DCHS2: variants seen among roughly 807,000 people sequenced by gnomAD.
The protein encoded by DCHS2 is protocadherin-23.
In DCHS2, 142 loss-of-function variants were observed where a neutral mutation model predicts 182.4. The ratio of observed to expected loss-of-function variants is 0.78; its 90% confidence interval spans 0.68 to 0.89. The LOEUF (loss-of-function observed/expected upper bound fraction) is 0.89. DCHS2 is among the 40% of genes least tolerant of loss of function. DCHS2 has a pLI of 0.00. For synonymous variants in DCHS2, 1,740 were observed against 1,663.3 expected (o/e 1.05, Z -1.12); for missense variants, 4,319 against 4,198.6 (o/e 1.03, Z -0.79).
chr4:154,341,119 A>G (rs910650024), intron 3 of DCHS2, among the ~76,000 whole-genome samples: 1 of 152,204 alleles, frequency 6.6e-6, no homozygotes, highest in African/African-American at 2.4e-5. Flanking sequence ...TTGTAATCCC[A>G]GCACTCTGGG....
At chr4:154,306,705 C>T (rs914069943) in intron 10 of DCHS2, among the ~76,000 whole-genome samples, 11 of 152,018 alleles carry the variant, frequency 7.2e-5, no homozygotes, top group Admixed American at 5.2e-4. Flanking sequence ...TACACCATTT[C>T]ATATTATTTT....
chr4:154,383,211 T>C (rs1447339969), intron 1 of DCHS2, among the ~76,000 whole-genome samples: 1 of 152,166 alleles, frequency 6.6e-6, no homozygotes, highest in Non-Finnish European at 1.5e-5. Flanking sequence ...CTGGCTGCCA[T>C]TATCTTAAGG....
At chr4:154,289,418 T>C (rs1410275733) in intron 13 of DCHS2, among the ~76,000 whole-genome samples, 1 of 151,906 alleles carries the variant, frequency 6.6e-6, no homozygotes, top group Non-Finnish European at 1.5e-5. Context: ...AGACCAATAA[T>C]ATGTAATGAG....
intron 1 of DCHS2, among the ~76,000 whole-genome samples, chr4:154,485,937 G>C: frequency 6.6e-6 from 1 of 152,186 alleles, no homozygotes; most frequent in East Asian, 1.9e-4. Flanking sequence ...TTATCTGAGC[G>C]AAAATGGAAT....
At chr4:154,268,306 C>T (rs1456762715) in intron 14 of DCHS2, among the ~76,000 whole-genome samples, 8 of 151,344 alleles carry the variant, frequency 5.3e-5, no homozygotes, top group Non-Finnish European at 1.0e-4. Flanking sequence ...ATACTACACT[C>T]GTGCTTTGGG....
chr4:154,425,724 C>A (rs1733297451), intron 1 of DCHS2, among the ~76,000 whole-genome samples: 1 of 152,236 alleles, frequency 6.6e-6, no homozygotes, highest in Admixed American at 6.5e-5. Flanking sequence ...CTTAAATGAA[C>A]CATAACCAAT....
At chr4:154,424,729 A>G (rs1477992969) in intron 1 of DCHS2, among the ~76,000 whole-genome samples, 1 of 152,228 alleles carries the variant, frequency 6.6e-6, no homozygotes. Context: ...TAAGTGTTCA[A>G]GTAAGCCTTT....
rs772901043 is a variant in DCHS2, at chr4:154,333,190, T to C, written c.3018A>G (p.Arg1006=). Residue 1006 remains arginine, a synonymous_variant, in exon 5 of 20, where the codon AGA becomes AGG. Transcript: ENST00000357232. ...GGATGAGTCCGTTCCGCCCACTGTC[T>C]CTGTCTTCCGCACGTGCGAGGTACA... ...TALYLARAED[R]DSGRNGLIRY... The C allele has an allele frequency of 3.7e-6, 6 of 1,614,178 alleles. No homozygotes were observed. In the East Asian group the frequency reaches 1.3e-4, roughly 36 times the overall value.
At position 154,255,543 on chromosome 4, in the gene DCHS2, T is replaced by C. The variant is rs1201811788; in HGVS notation, c.6917A>G (p.Asp2306Gly). 4.3e-6 allele frequency: 7 copies of C among 1,613,668 alleles called. No homozygotes were observed. The highest frequency in any genetic ancestry group is 5.9e-6 in the Non-Finnish European group (7 of 1,179,816). The change falls in exon 16 of 20, where the codon GAT (aspartate) becomes GGT (glycine). Residue 2306 changes from aspartate to glycine, a missense_variant. Coordinates refer to ENST00000357232, the MANE Select transcript of DCHS2 (RefSeq NM_001358235.2). ...SGVITTKAIL[D>G]YELTSSYSLI... Reference sequence around the variant, plus strand: ...CCTGTAGGAGCTGGTGAGCTCGTAATCTAGAATCGCTTTTGTTGTTATCAC... The same window carrying C: ...CCTGTAGGAGCTGGTGAGCTCGTAACCTAGAATCGCTTTTGTTGTTATCAC...
chr4:154,253,890 G>T (rs2111149733), intron 16 of DCHS2, among the ~76,000 whole-genome samples: 1 of 152,218 alleles, frequency 6.6e-6, no homozygotes, highest in African/African-American at 2.4e-5. Flanking sequence ...AAGTAGTCTG[G>T]TGTAGAAGCA....
chr4:154,469,840 C>A (rs1435915435), intron 1 of DCHS2, among the ~76,000 whole-genome samples: 1 of 152,214 alleles, frequency 6.6e-6, no homozygotes, highest in Non-Finnish European at 1.5e-5. Context: ...GTTAGACAAA[C>A]CTTTCCTTCC....
chr4:154,407,622 C>T (rs1732455780), intron 1 of DCHS2, among the ~76,000 whole-genome samples: 1 of 152,168 alleles, frequency 6.6e-6, no homozygotes, highest in African/African-American at 2.4e-5. Flanking sequence ...TGCTTTCTGT[C>T]ACAGCTGAGA....
chr4:154,371,269 GT>G, intron 2 of DCHS2, among the ~76,000 whole-genome samples: 1 of 152,020 alleles, frequency 6.6e-6, no homozygotes, highest in Non-Finnish European at 1.5e-5. Context: ...AAAGGGATTC[GT>G]TTTTGATGGA....
At chr4:154,270,797 C>A (rs1373553854) in intron 13 of DCHS2, among the ~76,000 whole-genome samples, 1 of 151,528 alleles carries the variant, frequency 6.6e-6, no homozygotes, top group African/African-American at 2.4e-5. Context: ...CCCCAAAACA[C>A]TGGAGGTGGG....
chr4:154,488,781 A>G (rs1728675939), intron 1 of DCHS2, among the ~76,000 whole-genome samples: 1 of 152,050 alleles, frequency 6.6e-6, no homozygotes, highest in Non-Finnish European at 1.5e-5. Context: ...GGCAGGCAGG[A>G]GAATTGCTTG....
At chr4:154,428,880 G>T (rs890156576) in intron 1 of DCHS2, among the ~76,000 whole-genome samples, 11 of 151,874 alleles carry the variant, frequency 7.2e-5, no homozygotes, top group Non-Finnish European at 1.3e-4. Context: ...TTCAGCCTGG[G>T]CCCTGGGTGA....
intron 15 of DCHS2, among the ~76,000 whole-genome samples, chr4:154,257,020 C>T (rs1033720846): frequency 9.2e-5 from 14 of 152,198 alleles, no homozygotes; most frequent in Non-Finnish European, 1.3e-4. Context: ...GAGGCCAAGG[C>T]GGGTGGATTA....
rs1736015967 is a variant in DCHS2 at position 154,320,525 on chromosome 4, T to C, written c.4874A>G (p.Asn1625Ser). 2 of 1,614,026 alleles carry C rather than the reference T, an allele frequency of 1.2e-6. No individual in the cohort carries two copies. Among genetic ancestry groups the C allele is most frequent in the Non-Finnish European group, 1.7e-6 (2 of 1,179,970 alleles). The change falls in exon 9 of 20, where the codon AAT (asparagine) becomes AGT (serine). Residue 1625 changes from asparagine to serine, a missense_variant. Coordinates refer to ENST00000357232, the MANE Select transcript of DCHS2 (RefSeq NM_001358235.2). ...DHNPTFISFP[N>S]AHVKEDVTVG... ...TGTGACATCCTCTTTGACATGGGCA[T>C]TGGGGAAAGAAATAAAAGTGGGGTT...
intron 16 of DCHS2, among the ~76,000 whole-genome samples, chr4:154,254,127 C>T (rs1005563516): frequency 3.9e-5 from 6 of 152,040 alleles, no homozygotes; most frequent in Admixed American, 2.6e-4. Flanking sequence ...GAGGTGCTTG[C>T]GAGGATTAAA....
Sources: gnomAD v4.1 joint callset for allele counts (sites outside exome capture counted in the v4.1 genomes callset) on GRCh38, gnomAD v4.1.1 for gene constraint, MANE v1.5 for transcripts, NCBI Gene and HGNC (gene_info 2026-07-23, HGNC 2026-07-21) for gene names.